The following RIMS1 variants were observed in gnomAD, a reference collection of about 807,000 sequenced individuals.
RIMS1 encodes the protein regulating synaptic membrane exocytosis protein 1.
Under a neutral mutation model 214.1 loss-of-function variants are expected in RIMS1, and 83 were observed. That is an observed-to-expected ratio of 0.39 (90% CI 0.32 to 0.47). RIMS1 has a LOEUF of 0.47. Ranked by LOEUF, RIMS1 falls within the 20% of genes least tolerant of loss-of-function variation. The probability of loss-of-function intolerance (pLI) is 0.99; values close to 1 mark genes in which losing one functional copy is unlikely to be tolerated. For missense variants in RIMS1, 2,050 were observed against 2,161.8 expected (o/e 0.95, Z 1.03); for synonymous variants, 793 against 786.8 (o/e 1.01, Z -0.13).
chr6:72,285,788 C>T (rs1426151064), intron 24 of RIMS1, among the ~76,000 whole-genome samples: 4 of 152,186 alleles, frequency 2.6e-5, no homozygotes, highest in African/African-American at 7.2e-5. Flanking sequence ...TTTCAATCTT[C>T]AACCATCATT....
chr6:71,999,854 T>G (rs1165881144), intron 2 of RIMS1, among the ~76,000 whole-genome samples: 1 of 152,134 alleles, frequency 6.6e-6, no homozygotes, highest in Non-Finnish European at 1.5e-5. Context: ...GTTCTCATAA[T>G]TGGATGTTGA....
At chr6:72,074,867 A>T (rs1020182820) in intron 2 of RIMS1, among the ~76,000 whole-genome samples, 1 of 152,208 alleles carries the variant, frequency 6.6e-6, no homozygotes, top group Non-Finnish European at 1.5e-5. Flanking sequence ...TCCATCAGTG[A>T]ATTCGTAGAC....
chr6:72,393,789 A>T (rs1361964659), intron 31 of RIMS1, among the ~76,000 whole-genome samples: 1 of 152,168 alleles, frequency 6.6e-6, no homozygotes, highest in African/African-American at 2.4e-5. Flanking sequence ...ATTCTTCAAT[A>T]TACTGGAAGC....
intron 10 of RIMS1, among the ~76,000 whole-genome samples, chr6:72,244,674 G>C (rs2154119293): frequency 6.6e-6 from 1 of 151,630 alleles, no homozygotes; most frequent in East Asian, 1.9e-4. Context: ...TAAATGTATA[G>C]TCATACAAAA....
intron 2 of RIMS1, among the ~76,000 whole-genome samples, chr6:72,081,045 G>T (rs569650954): frequency 5.3e-5 from 8 of 152,154 alleles, no homozygotes; most frequent in African/African-American, 1.9e-4. Context: ...TCACACACAG[G>T]GTACGTTTCC....
rs547078090 is a variant in RIMS1, at chr6:72,229,985, A to G, written c.1679-3788A>G. Among the ~76,000 whole-genome samples the G allele has an allele frequency of 2.0e-5, 3 of 151,932 alleles. No homozygotes were observed. In the East Asian group the frequency reaches 5.8e-4, roughly 29 times the overall value. On this transcript the variant is annotated intron_variant, in intron 6 of 33. Transcript: ENST00000521978. ...CAGTGCATAAAAACATTCAATAAAC[A>G]TATTTTGTACAATGCTTCATTCAGT... is the stretch of plus-strand genomic sequence containing the variant.
chr6:72,141,078 C>T (rs1217714326), intron 4 of RIMS1, among the ~76,000 whole-genome samples: 1 of 151,930 alleles, frequency 6.6e-6, no homozygotes, highest in Non-Finnish European at 1.5e-5. Flanking sequence ...TCCAATATTT[C>T]CAACAATATT....
intron 19 of RIMS1, chr6:72,264,125 A>G: frequency 2.0e-6 from 1 of 493,756 alleles, no homozygotes; most frequent in Non-Finnish European, 2.6e-6. Flanking sequence ...GAAGCCTTTG[A>G]TAAATGTTTA....
chr6:71,959,267 GT>G (rs1792198016), intron 1 of RIMS1, among the ~76,000 whole-genome samples: 1 of 152,064 alleles, frequency 6.6e-6, no homozygotes, highest in Non-Finnish European at 1.5e-5. Context: ...TTAATTGAAA[GT>G]AGTGCCTGAA....
At chr6:72,245,725 G>T (rs2069198861) in intron 10 of RIMS1, 90 bp from the exon 11 acceptor site, 3 of 990,336 alleles carry the variant, frequency 3.0e-6, no homozygotes, top group Admixed American at 3.7e-5. Context: ...AGACCCAGCA[G>T]GATTTTTCAC....
chr6:72,166,724 A>AAT (rs1476568747), intron 4 of RIMS1, among the ~76,000 whole-genome samples: 1 of 140,944 alleles, frequency 7.1e-6, no homozygotes, highest in African/African-American at 2.7e-5. Flanking sequence ...TTAAAAAAAA[A>AAT]AAGTAACTCT....
intron 2 of RIMS1, among the ~76,000 whole-genome samples, chr6:72,000,930 G>A (rs1243735315): frequency 6.6e-6 from 1 of 151,252 alleles, no homozygotes; most frequent in Non-Finnish European, 1.5e-5. Context: ...CTACTATTAT[G>A]TTGCACATAC....
At chr6:72,045,678 A>G (rs949909576) in intron 2 of RIMS1, among the ~76,000 whole-genome samples, 3 of 152,010 alleles carry the variant, frequency 2.0e-5, no homozygotes, top group African/African-American at 7.2e-5. Context: ...GTATGTTTTA[A>G]AATCTTTTCC....
rs867051270 is a variant in RIMS1, at chr6:72,080,050, A to G, written c.246-16899A>G. Reference sequence around the variant, plus strand: ...TCAGGAGTTCAAGACCAGCCTGGCCAACGTGGTGAAACCGTGTCTCTACTA... The same window carrying G: ...TCAGGAGTTCAAGACCAGCCTGGCCGACGTGGTGAAACCGTGTCTCTACTA... On this transcript the variant is annotated intron_variant, in intron 2 of 33. Coordinates refer to ENST00000521978, the MANE Select transcript of RIMS1 (RefSeq NM_014989.7). 9.6e-5 allele frequency among the ~76,000 whole-genome samples: 13 copies of G among 135,932 alleles called. No homozygotes were observed. In the South Asian group the frequency reaches 3.4e-3, roughly 35 times the overall value. The allele number at this position is 135,932 out of a possible 152,430, so 89.2% of individuals were successfully genotyped here.
chr6:72,225,427 A>T (rs2059900040), intron 6 of RIMS1, among the ~76,000 whole-genome samples: 1 of 152,098 alleles, frequency 6.6e-6, no homozygotes, highest in South Asian at 2.1e-4. Context: ...GTAAAAATTG[A>T]TTTGACATTC....
chr6:71,981,109 G>A (rs953109011), intron 2 of RIMS1, among the ~76,000 whole-genome samples: 1 of 152,040 alleles, frequency 6.6e-6, no homozygotes, highest in Admixed American at 6.6e-5. Flanking sequence ...ACCAGTCTAA[G>A]TTCTGCATAA....
chr6:71,974,725 A>G (rs923057733), intron 2 of RIMS1, among the ~76,000 whole-genome samples: 1 of 152,166 alleles, frequency 6.6e-6, no homozygotes, highest in Non-Finnish European at 1.5e-5. Context: ...TCAAGAAGAG[A>G]GCTAATTTAG....
chr6:72,354,550 T>C (rs915673166), intron 29 of RIMS1, among the ~76,000 whole-genome samples: 4 of 152,262 alleles, frequency 2.6e-5, no homozygotes, highest in Admixed American at 6.5e-5. Flanking sequence ...AAATTTGGAA[T>C]TGCATACATT....
intron 26 of RIMS1, among the ~76,000 whole-genome samples, chr6:72,306,246 C>T (rs930219745): frequency 2.6e-5 from 4 of 151,748 alleles, no homozygotes; most frequent in Admixed American, 6.6e-5. Flanking sequence ...CACACACACA[C>T]GCATGCTCAC....
Sources: gnomAD v4.1 joint callset for allele counts (sites outside exome capture counted in the v4.1 genomes callset) on GRCh38, gnomAD v4.1.1 for gene constraint, MANE v1.5 for transcripts, NCBI Gene and HGNC (gene_info 2026-07-23, HGNC 2026-07-21) for gene names.